SLC30A9: variants seen among roughly 807,000 people sequenced by gnomAD.
SLC30A9 encodes the protein solute carrier family 30 member 9.
SLC30A9 carries 58 observed loss-of-function variants against 87.5 expected under a neutral mutation model. The ratio of observed to expected loss-of-function variants is 0.66; its 90% CI spans 0.54 to 0.82. The LOEUF is 0.82. SLC30A9 is among the 40% of genes least tolerant of loss of function. SLC30A9 has a pLI of 0.00. For missense variants in SLC30A9, 557 were observed against 679.1 expected, an observed-to-expected ratio of 0.82 and a Z score of 2.00; for synonymous variants, 234 against 233.0, an observed-to-expected ratio of 1.00 and a Z score of -0.04.
At chr4:42,046,828 A>G (rs919590634) in intron 8 of SLC30A9, among the ~76,000 whole-genome samples, 2 of 152,218 alleles carry the variant, frequency 1.3e-5, no homozygotes, top group African/African-American at 4.8e-5. Flanking sequence ...GCCTGACTTC[A>G]AACTATACTA....
intron 1 of SLC30A9, among the ~76,000 whole-genome samples, chr4:41,998,950 A>G (rs1261395497): frequency 6.6e-6 from 1 of 152,206 alleles, no homozygotes; most frequent in Non-Finnish European, 1.5e-5. Context: ...CTGTTACCTG[A>G]ATTTCTACTG....
At chr4:42,082,226 A>AT (rs1008901380) in intron 17 of SLC30A9, among the ~76,000 whole-genome samples, 6 of 86,158 alleles carry the variant, frequency 7.0e-5, no homozygotes, top group African/African-American at 1.5e-4. Context: ...CAAAAAAAAA[A>AT]AAAATAAATA....
intron 14 of SLC30A9, among the ~76,000 whole-genome samples, chr4:42,068,992 A>G (rs1335484759): frequency 6.6e-6 from 1 of 152,198 alleles, no homozygotes. Context: ...GTTTCTTCAA[A>G]TAGTCTGAAA....
rs760317816 is a variant in SLC30A9 at position 42,075,647 on chromosome 4, T to C, written c.1419-10T>C. 1.2e-6 allele frequency: 2 copies of C among 1,611,468 alleles called. No homozygotes were observed. Among genetic ancestry groups the C allele is most frequent in the African/African-American group, 1.3e-5 (1 of 74,864 alleles). Reference sequence around the variant, plus strand: ...ATAAATAAATTTGTATGCATTGTTATTGATTGCAGGGCAATTCATGATGTT... The same window carrying C: ...ATAAATAAATTTGTATGCATTGTTACTGATTGCAGGGCAATTCATGATGTT... On this transcript the variant is annotated splice_polypyrimidine_tract_variant and intron_variant, in intron 15 of 17. Coordinates refer to ENST00000264451, the MANE Select transcript of SLC30A9 (RefSeq NM_006345.4).
chr4:42,036,204 C>T (rs902500956), intron 7 of SLC30A9, among the ~76,000 whole-genome samples: 2 of 152,172 alleles, frequency 1.3e-5, no homozygotes, highest in South Asian at 2.1e-4. Flanking sequence ...ACTCTTTACT[C>T]TTCAGCTGTT....
At chr4:42,032,009 G>C (rs576306167) in intron 6 of SLC30A9, among the ~76,000 whole-genome samples, 8 of 152,294 alleles carry the variant, frequency 5.3e-5, no homozygotes, top group African/African-American at 1.7e-4. Flanking sequence ...AGCTTCTGGG[G>C]AGCCTCAGGA....
chr4:42,048,701 G>A (rs1202701003), intron 8 of SLC30A9, among the ~76,000 whole-genome samples: 1 of 152,094 alleles, frequency 6.6e-6, no homozygotes, highest in Admixed American at 6.6e-5. Flanking sequence ...TCTTGCCTTT[G>A]ACACTGGCCC....
intron 16 of SLC30A9, among the ~76,000 whole-genome samples, chr4:42,076,790 C>T (rs982679174): frequency 2.0e-5 from 3 of 151,886 alleles, no homozygotes; most frequent in Non-Finnish European, 2.9e-5. Context: ...GGTGAAAACC[C>T]GTATCTACTA....
intron 15 of SLC30A9, among the ~76,000 whole-genome samples, chr4:42,073,361 C>G (rs1334602050): frequency 1.3e-5 from 2 of 152,060 alleles, no homozygotes. Context: ...CTGGCAAATT[C>G]GAAATTTTGT....
chr4:42,040,307 A>G (rs998156456), intron 8 of SLC30A9, among the ~76,000 whole-genome samples: 9 of 152,216 alleles, frequency 5.9e-5, no homozygotes, highest in African/African-American at 1.7e-4. Flanking sequence ...GGAGGGATGT[A>G]TGTGTGAAAA....
chr4:42,070,711 T>C lies in SLC30A9; in HGVS notation c.1418+20T>C, dbSNP rs1718281335. On this transcript the variant is annotated intron_variant, in intron 15 of 17. Coordinates refer to ENST00000264451, the MANE Select transcript of SLC30A9 (RefSeq NM_006345.4). ...AGTAAGGTCAGCCTTATTCCAGTAA[T>C]CCTGTTAAGGCTTACAAAAACATAT... 3 of 1,602,624 alleles carry C rather than the reference T, an allele frequency of 1.9e-6. No individual in the cohort carries two copies. Among genetic ancestry groups the C allele is most frequent in the African/African-American group, 1.3e-5 (1 of 74,642 alleles).
chr4:42,061,239 A>G (rs1289402733), intron 10 of SLC30A9, among the ~76,000 whole-genome samples: 1 of 152,244 alleles, frequency 6.6e-6, no homozygotes, highest in African/African-American at 2.4e-5. Context: ...AGCTAACTAC[A>G]TGTAGCTATT....
chr4:42,023,687 A>G (rs768648500), intron 6 of SLC30A9, among the ~76,000 whole-genome samples: 41 of 152,186 alleles, frequency 2.7e-4, no homozygotes, highest in Non-Finnish European at 4.9e-4. Context: ...AAAGTGATAG[A>G]ATAGGAAGTA....
intron 11 of SLC30A9, 145 bp downstream of exon 11, chr4:42,063,266 A>T (rs1274160315): frequency 2.8e-5 from 16 of 561,630 alleles, no homozygotes; most frequent in Admixed American, 1.5e-4. Context: ...CTATAGTTTA[A>T]TTTTTAGAAC....
At chr4:42,066,470 T>C (rs945536275) in intron 12 of SLC30A9, 80 bp from the exon 13 acceptor site, 3 of 817,708 alleles carry the variant, frequency 3.7e-6, no homozygotes, top group Middle Eastern at 2.4e-4. Flanking sequence ...TGTGCTTATT[T>C]GTTTATCTTT....
intron 17 of SLC30A9, among the ~76,000 whole-genome samples, chr4:42,081,692 T>C (rs1478843449): frequency 6.6e-5 from 10 of 151,864 alleles, no homozygotes; most frequent in Non-Finnish European, 1.5e-4. Flanking sequence ...CTTTACATTT[T>C]AGTAGATACA....
At chr4:42,035,950 C>G (rs980978361) in intron 7 of SLC30A9, among the ~76,000 whole-genome samples, 1 of 152,176 alleles carries the variant, frequency 6.6e-6, no homozygotes, top group Non-Finnish European at 1.5e-5. Context: ...TAGCCTCTCT[C>G]TTTCTGCTCC....
intron 9 of SLC30A9, 129 bp from the exon 10 acceptor site, chr4:42,060,062 G>T: frequency 3.3e-6 from 2 of 607,472 alleles, no homozygotes; most frequent in East Asian, 2.7e-5. Context: ...CAGAATTGCT[G>T]GGTCATTGGA....
intron 2 of SLC30A9, among the ~76,000 whole-genome samples, chr4:42,006,498 G>A (rs1715207364): frequency 6.6e-6 from 1 of 152,142 alleles, no homozygotes; most frequent in African/African-American, 2.4e-5. Context: ...ACCAGCCTGA[G>A]CAACGTGGTG....
Sources: gnomAD v4.1 joint callset for allele counts (sites outside exome capture counted in the v4.1 genomes callset) on GRCh38, gnomAD v4.1.1 for gene constraint, MANE v1.5 for transcripts, NCBI Gene and HGNC (gene_info 2026-07-23, HGNC 2026-07-21) for gene names.